RAB36: variants seen among roughly 807,000 people sequenced by gnomAD.
RAB36 encodes the protein ras-related protein Rab-36.
A neutral mutation model predicts 39.3 loss-of-function variants in RAB36; 33 were observed. The ratio of observed to expected loss-of-function variants is 0.84; its 90% CI spans 0.64 to 1.12. The LOEUF (loss-of-function observed/expected upper bound fraction) is 1.12, where lower values mean the gene tolerates loss of function less well. RAB36 is among the 50% of genes most tolerant of loss of function. The pLI is 0.00. For synonymous variants in RAB36, 133 were observed against 140.2 expected (o/e 0.95, Z 0.36); for missense variants, 308 against 355.3 (o/e 0.87, Z 1.07).
intron 10 of RAB36, 28 bp downstream of exon 10, chr22:23,161,026 T>A: frequency 6.3e-7 from 1 of 1,575,324 alleles, no homozygotes; most frequent in Non-Finnish European, 8.7e-7. Flanking sequence ...TGGGTTGGGC[T>A]GGGGAGTAGG....
chr22:23,149,645 C>T (rs1432830458), intron 2 of RAB36, among the ~76,000 whole-genome samples: 1 of 152,210 alleles, frequency 6.6e-6, no homozygotes, highest in Non-Finnish European at 1.5e-5. Context: ...TGAAGCAATC[C>T]TTCCACCTCA....
At chr22:23,157,881 C>T (rs1165731647) in intron 6 of RAB36, 111 bp from the exon 7 acceptor site, 1 of 1,574,170 alleles carries the variant, frequency 6.4e-7, no homozygotes, top group Non-Finnish European at 8.6e-7. Context: ...TGCTGAGTGC[C>T]TGGTTGGGGG....
chr22:23,156,159 ACACCAGG>A (rs748918751), intron 6 of RAB36, 127 bp downstream of exon 6: 8 of 763,418 alleles, frequency 1.0e-5, no homozygotes, highest in South Asian at 1.8e-5. Flanking sequence ...CACTGAGAAA[ACACCAGG>A]CCACTGCTTG....
intron 3 of RAB36, among the ~76,000 whole-genome samples, chr22:23,151,509 G>A (rs2071122505): frequency 6.6e-6 from 1 of 152,210 alleles, no homozygotes; most frequent in African/African-American, 2.4e-5. Flanking sequence ...CAGAGGAAGT[G>A]CCTGTCAGAT....
chr22:23,158,843 C>G, intron 7 of RAB36, 55 bp from the exon 8 acceptor site: 2 of 1,532,228 alleles, frequency 1.3e-6, no homozygotes, highest in South Asian at 1.1e-5. Flanking sequence ...CCCTCTGCCC[C>G]CTGTTTGGGG....
chr22:23,153,003 C>A (rs758569192), intron 4 of RAB36, 30 bp from the exon 5 acceptor site: 8 of 1,501,444 alleles, frequency 5.3e-6, no homozygotes, highest in South Asian at 1.1e-5. Flanking sequence ...TGTGAGTACA[C>A]CCCTGTGACG....
At position 23,158,975 on chromosome 22, in the gene RAB36, T is replaced by C. The variant is rs1414126329; in HGVS notation, c.524T>C (p.Leu175Pro). 2 of 1,614,132 alleles carry C rather than the reference T, an allele frequency of 1.2e-6. No homozygotes were observed. Among genetic ancestry groups the C allele is most frequent in the Admixed American group, 3.3e-5 (2 of 60,030 alleles). Residue 175 changes from leucine (L) to proline (P), a missense_variant, in exon 8 of 11, where the codon CTT becomes CCT. Coordinates refer to ENST00000263116, the MANE Select transcript of RAB36 (RefSeq NM_004914.5). ...FIFLVGTKKD[L>P]LSGAACEQAE... The stretch of plus-strand genomic sequence containing the variant: ...TTCCTCGTGGGAACCAAGAAGGACC[T>C]TCTGGTGAGCAGAGTGGCACTGGTG...
chr22:23,163,606 G>GCCCCCCCCCCCCCCCCCCCC lies in RAB36; in HGVS notation c.*2052_*2053insCCCCCCCCCCCCCCCCCCCC, dbSNP rs71744650. The GCCCCCCCCCCCCCCCCCCCC allele has an allele frequency of 6.4e-5, 8 of 125,232 alleles. 2 individuals carry two copies. The highest frequency in any genetic ancestry group is 1.4e-4 in the Non-Finnish European group (8 of 55,738). The allele number at this position is 125,232 out of a possible 1,614,324, so 7.8% of individuals were successfully genotyped here. A position where few individuals can be genotyped will look rare whatever the true frequency, so the allele number is the denominator to read the frequency against. On this transcript the variant is annotated 3_prime_UTR_variant, in exon 11 of 11. Coordinates refer to ENST00000263116, the MANE Select transcript of RAB36 (RefSeq NM_004914.5). Reference sequence around the variant, plus strand: ...AAAGCATATAAAATACAAGGTGAAAGCCCCCCCCCCGCCACATTAGCTGCG... The same window carrying GCCCCCCCCCCCCCCCCCCCC: ...AAAGCATATAAAATACAAGGTGAAAGCCCCCCCCCCCCCCCCCCCCCCCCCCCCCCGCCACATTAGCTGCG...
At chr22:23,150,012 C>A in intron 2 of RAB36, 51 bp from the exon 3 acceptor site, 1 of 1,438,604 alleles carries the variant, frequency 7.0e-7, no homozygotes, top group Non-Finnish European at 9.6e-7. Context: ...GCTACGAGGG[C>A]GGAGCCACAG....
Position 23,159,135 on chromosome 22 carries a change from C to A in RAB36, c.529-28C>A, listed in dbSNP as rs772883761. The A allele has an allele frequency of 4.4e-6, 7 of 1,608,164 alleles. 1 individual carries two copies. The South Asian group carries it at 6.7e-5, about 15-fold the overall frequency. On this transcript the variant is annotated intron_variant, in intron 8 of 10. Transcript: ENST00000263116. ...GCCTCCCTGCAGGAGAGCCGGGACG[C>A]TGGGTCAACAAGGGCCATTTCTCCC...
intron 3 of RAB36, among the ~76,000 whole-genome samples, chr22:23,150,614 T>A (rs1219182719): frequency 1.3e-5 from 2 of 152,144 alleles, no homozygotes; most frequent in Non-Finnish European, 2.9e-5. Context: ...TGACTGGGGT[T>A]TTCATCTGGC....
rs957359628 is a variant in RAB36 at position 23,162,522 on chromosome 22, G to A, written c.*958G>A. On this transcript the variant is annotated 3_prime_UTR_variant, in exon 11 of 11. Coordinates refer to ENST00000263116, the MANE Select transcript of RAB36 (RefSeq NM_004914.5). ...CATGCACCTTTAGAGGACTTCAGAG[G>A]CCCTGCCAAGTCTAGCATGTTCCTG... The A allele has an allele frequency of 1.2e-5, 5 of 415,818 alleles. No individual in the cohort carries two copies. The Admixed American group carries it at 1.2e-4, about 10-fold the overall frequency. 25.8% of individuals were successfully genotyped at this position (415,818 alleles called of 1,614,324 possible). A position where few individuals can be genotyped will look rare whatever the true frequency, so the allele number is the denominator to read the frequency against.
Position 23,164,878 on chromosome 22 carries a change from G to A in RAB36, c.*3314G>A, listed in dbSNP as rs1439027768. 2.6e-5 allele frequency among the ~76,000 whole-genome samples: 4 copies of A among 151,876 alleles called. No individual in the cohort carries two copies. Among genetic ancestry groups the A allele is most frequent in the African/African-American group, 7.3e-5 (3 of 41,330 alleles). On this transcript the variant is annotated 3_prime_UTR_variant, in exon 11 of 11. Transcript: ENST00000263116. ...CCAGGGTGCTCTCGCTCTGGCTTTC[G>A]AGGCTCCTCACCACCCAGCCCACCC...
chr22:23,153,416 G>A (rs922941527), intron 5 of RAB36: 1 of 279,166 alleles, frequency 3.6e-6, no homozygotes, highest in Non-Finnish European at 5.4e-6. Flanking sequence ...CTCCTCTTGA[G>A]GCCCTGGCTC....
chr22:23,153,279 C>T (rs980249803), intron 5 of RAB36, 145 bp downstream of exon 5: 3 of 683,624 alleles, frequency 4.4e-6, no homozygotes, highest in Non-Finnish European at 7.5e-6. Context: ...CACTTAGCTT[C>T]CTGGCTCCCA....
Position 23,162,897 on chromosome 22 carries a change from G to T in RAB36, c.*1333G>T, listed in dbSNP as rs5751594. 5 of 346,050 alleles carry T rather than the reference G, an allele frequency of 1.4e-5. No homozygotes were observed. The highest frequency in any genetic ancestry group is 2.2e-5 in the South Asian group (1 of 44,596). The allele number at this position is 346,050 out of a possible 1,614,324, so 21.4% of individuals were successfully genotyped here. On this transcript the variant is annotated 3_prime_UTR_variant, in exon 11 of 11. Coordinates refer to ENST00000263116, the MANE Select transcript of RAB36 (RefSeq NM_004914.5). ...TTCCCCCTTCAACATATTTTTTGTA[G>T]TTTTTTATATAAATGACTTTTTTTT...
intron 7 of RAB36, among the ~76,000 whole-genome samples, chr22:23,158,558 C>G (rs1306810591): frequency 1.3e-5 from 2 of 152,340 alleles, no homozygotes; most frequent in African/African-American, 4.8e-5. Flanking sequence ...GGCATTCACA[C>G]CCAGCAACTT....
intron 5 of RAB36, chr22:23,153,583 A>G: frequency 1.0e-6 from 1 of 983,830 alleles, no homozygotes; most frequent in South Asian, 4.7e-5. Flanking sequence ...GAGGGCTGAG[A>G]TGGAGTACAC....
At chr22:23,156,143 A>ACTG (rs56055341) in intron 6 of RAB36, 111 bp downstream of exon 6, 212,790 of 910,164 alleles carry the variant, frequency 0.23, 27,098 homozygotes, top group East Asian at 0.36. Flanking sequence ...TTTGTCCTCC[A>ACTG]AGACCCACTG....
Sources: allele counts gnomAD v4.1 joint callset (sites outside exome capture counted in the v4.1 genomes callset), GRCh38; gene constraint gnomAD v4.1.1; transcripts MANE v1.5; gene names NCBI Gene and HGNC (gene_info 2026-07-23, HGNC 2026-07-21).